The following HDLBP variants were observed in gnomAD, a reference collection of about 807,000 sequenced individuals.
HDLBP encodes the protein high density lipoprotein binding protein, also known as vigilin.
A neutral mutation model predicts 137.3 loss-of-function variants in HDLBP; 30 were observed. The observed-to-expected ratio is 0.22, with a 90% CI of 0.16 to 0.30. The LOEUF (loss-of-function observed/expected upper bound fraction) is 0.30. HDLBP is among the 10% of genes least tolerant of loss of function. HDLBP has a pLI of 1.00. For synonymous variants in HDLBP, 606 were observed against 596.0 expected, an observed-to-expected ratio of 1.02 and a Z score of -0.24; for missense variants, 1,119 against 1,667.3, an observed-to-expected ratio of 0.67 and a Z score of 5.73.
Position 241,314,757 on chromosome 2 carries a change from CACAA to C in HDLBP, c.-103+809_-103+812del, listed in dbSNP as rs2149747573. Among the ~76,000 whole-genome samples, 2 of 152,270 alleles carry C rather than the reference CACAA, an allele frequency of 1.3e-5. 1 individual carries two copies. The highest frequency in any genetic ancestry group is 1.3e-4 in the Admixed American group (2 of 15,294). ...CTAACCACTTTTCAAAGGAGCTACG[CACAA>C]AAATACCCTAGCAACATGCCACGGT... On this transcript the variant is annotated intron_variant, in intron 1 of 27. Coordinates refer to ENST00000310931, the MANE Select transcript of HDLBP (RefSeq NM_005336.6).
intron 1 of HDLBP, among the ~76,000 whole-genome samples, chr2:241,294,416 T>C (rs1444210210): frequency 6.6e-6 from 1 of 152,214 alleles, no homozygotes; most frequent in Non-Finnish European, 1.5e-5. Context: ...TTGCAGAGAT[T>C]AATCATTATA....
chr2:241,288,800 C>T (rs990397879), intron 1 of HDLBP, among the ~76,000 whole-genome samples: 3 of 152,134 alleles, frequency 2.0e-5, no homozygotes, highest in Admixed American at 6.5e-5. Flanking sequence ...AATGGTGTTC[C>T]TGGGAAGGGG....
intron 1 of HDLBP, among the ~76,000 whole-genome samples, chr2:241,312,983 TCTAAACCTG>T (rs1333975345): frequency 2.6e-5 from 4 of 152,086 alleles, no homozygotes; most frequent in African/African-American, 9.7e-5. Context: ...TATACCAAAT[TCTAAACCTG>T]TTGCTCACGT....
intron 1 of HDLBP, among the ~76,000 whole-genome samples, chr2:241,300,638 T>G (rs1288630576): frequency 6.6e-6 from 1 of 152,174 alleles, no homozygotes; most frequent in Non-Finnish European, 1.5e-5. Context: ...AACAACAATC[T>G]AAATACTATA....
At chr2:241,254,897 C>T (rs1399192305) in intron 9 of HDLBP, among the ~76,000 whole-genome samples, 154 bp downstream of exon 9, 2 of 152,138 alleles carry the variant, frequency 1.3e-5, no homozygotes, top group Admixed American at 1.3e-4. Context: ...TAAGCTAACA[C>T]GGAAGTTGAC....
chr2:241,315,524 T>A (rs1012141302), intron 1 of HDLBP, 46 bp downstream of exon 1: 3 of 152,716 alleles, frequency 2.0e-5, no homozygotes, highest in Non-Finnish European at 4.4e-5. Flanking sequence ...ACAAACGGCC[T>A]TCCCCCCACT....
chr2:241,292,315 G>A (rs2075037145), intron 1 of HDLBP, among the ~76,000 whole-genome samples: 1 of 152,022 alleles, frequency 6.6e-6, no homozygotes. Context: ...AACCTGGGAC[G>A]TTCCACAGCA....
At chr2:241,278,478 G>C (rs1052461660) in intron 1 of HDLBP, among the ~76,000 whole-genome samples, 1 of 152,098 alleles carries the variant, frequency 6.6e-6, no homozygotes, top group Non-Finnish European at 1.5e-5. Context: ...AGCTACTTGG[G>C]AGGCTGAGGC....
Position 241,235,224 on chromosome 2 carries a change from T to C in HDLBP, c.3041A>G (p.Gln1014Arg). The change falls in exon 23 of 28, where the codon CAG becomes CGG. Residue 1014 changes from glutamine to arginine, a missense_variant. Around this residue, in one of 4 missense-constraint regions of HDLBP, gnomAD observed 618 missense variants for 816.7 expected, o/e 0.76. Coordinates refer to ENST00000310931, the MANE Select transcript of HDLBP (RefSeq NM_005336.6). ...GCCCGTGATGGCGATGATGTCAGAC[T>C]GCAGCTCAGGTGCCGGGACATGTAT... Reference protein sequence around the residue: ...VNIHVPAPELQSDIIAITGLA... With the variant: ...VNIHVPAPELRSDIIAITGLA... 2 of 1,614,208 alleles carry C rather than the reference T, an allele frequency of 1.2e-6. No individual in the cohort carries two copies. Among genetic ancestry groups the C allele is most frequent in the South Asian group, 2.2e-5 (2 of 91,086 alleles).
intron 1 of HDLBP, among the ~76,000 whole-genome samples, chr2:241,271,687 C>T (rs768065715): frequency 6.6e-5 from 10 of 152,292 alleles, no homozygotes; most frequent in African/African-American, 2.2e-4. Flanking sequence ...TAATGAGACC[C>T]GCAAGTGCTT....
At chr2:241,236,844 C>A in intron 20 of HDLBP, 75 bp from the exon 21 acceptor site, 1 of 1,490,352 alleles carries the variant, frequency 6.7e-7, no homozygotes, top group Non-Finnish European at 9.2e-7. Flanking sequence ...ATGCATATGT[C>A]TGTGAGGCAC....
chr2:241,310,338 CTTTTA>C (rs1262459032), intron 1 of HDLBP, among the ~76,000 whole-genome samples: 2 of 152,038 alleles, frequency 1.3e-5, no homozygotes, highest in Non-Finnish European at 2.9e-5. Flanking sequence ...ATGTGGTTTT[CTTTTA>C]TGAGATATAT....
intron 1 of HDLBP, among the ~76,000 whole-genome samples, chr2:241,297,301 T>C (rs1459737329): frequency 6.6e-6 from 1 of 152,138 alleles, no homozygotes; most frequent in African/African-American, 2.4e-5. Flanking sequence ...CCTCGTTCCA[T>C]ACAGGGTGAA....
intron 1 of HDLBP, among the ~76,000 whole-genome samples, chr2:241,271,730 A>C (rs2074054216): frequency 6.6e-6 from 1 of 152,194 alleles, no homozygotes; most frequent in Non-Finnish European, 1.5e-5. Context: ...TATGGAGGGC[A>C]CCAAAAAAGC....
intron 23 of HDLBP, among the ~76,000 whole-genome samples, chr2:241,234,882 A>G (rs1574847790): frequency 6.6e-6 from 1 of 152,350 alleles, no homozygotes; most frequent in African/African-American, 2.4e-5. Context: ...GAGAAACTGC[A>G]AATTTACACG....
chr2:241,267,016 T>G, intron 2 of HDLBP, 110 bp from the exon 3 acceptor site: 1 of 748,404 alleles, frequency 1.3e-6, no homozygotes, highest in South Asian at 1.6e-5. Context: ...ACCAGCAAAC[T>G]ATACCTTTTT....
At chr2:241,267,512 G>C (rs2073768168) in intron 2 of HDLBP, 2 of 1,459,026 alleles carry the variant, frequency 1.4e-6, no homozygotes, top group Non-Finnish European at 1.9e-6. Context: ...TCCAGGCATA[G>C]ATCAACACCA....
chr2:241,267,777 T>A (rs549676686), intron 2 of HDLBP: 1 of 1,504,028 alleles, frequency 6.6e-7, no homozygotes, highest in South Asian at 1.3e-5. Context: ...TTGCGCTAAA[T>A]GCCCTTGATC....
At chr2:241,290,503 G>C (rs2149650956) in intron 1 of HDLBP, among the ~76,000 whole-genome samples, 1 of 152,184 alleles carries the variant, frequency 6.6e-6, no homozygotes, top group Middle Eastern at 3.4e-3. Context: ...CCAGCTACTC[G>C]GGAGGCTGAG....
Sources: gnomAD v4.1 joint callset for allele counts (sites outside exome capture counted in the v4.1 genomes callset) on GRCh38, gnomAD v4.1.1 for gene constraint, gnomAD v4.1.1 regional missense constraint, MANE v1.5 for transcripts, NCBI Gene and HGNC (gene_info 2026-07-23, HGNC 2026-07-21) for gene names.